SORCS1: variants seen among roughly 807,000 people sequenced by gnomAD.
The protein encoded by SORCS1 is sortilin related VPS10 domain containing receptor 1.
Under a neutral mutation model 146.1 loss-of-function variants are expected in SORCS1, and 60 were observed. The observed-to-expected ratio is 0.41, with a 90% CI of 0.33 to 0.51. The LOEUF (loss-of-function observed/expected upper bound fraction) is 0.51, where lower values mean the gene tolerates loss of function less well. Among genes scored for constraint, SORCS1 ranks in the 20% least tolerant of loss-of-function variants. SORCS1 has a pLI of 0.21. For synonymous variants in SORCS1, 637 were observed against 584.0 expected, an observed-to-expected ratio of 1.09 and a Z score of -1.31; for missense variants, 1,352 against 1,487.6, an observed-to-expected ratio of 0.91 and a Z score of 1.50.
chr10:106,611,769 C>T, intron 22 of SORCS1, 142 bp downstream of exon 22: 1 of 658,968 alleles, frequency 1.5e-6, no homozygotes, highest in Non-Finnish European at 2.7e-6. Flanking sequence ...TTGCAGACAT[C>T]AGGCCAGAAC....
At chr10:106,782,080 A>T (rs1860938678) in intron 3 of SORCS1, among the ~76,000 whole-genome samples, 1 of 152,052 alleles carries the variant, frequency 6.6e-6, no homozygotes, top group African/African-American at 2.4e-5. Flanking sequence ...AAATCGCGTC[A>T]TTCAATACTG....
intron 1 of SORCS1, among the ~76,000 whole-genome samples, chr10:106,988,037 C>T (rs1158307480): frequency 6.6e-6 from 1 of 152,176 alleles, no homozygotes; most frequent in Non-Finnish European, 1.5e-5. Context: ...CTCTCTCTCA[C>T]TATATTACAG....
At chr10:106,918,641 G>A (rs1341437240) in intron 2 of SORCS1, among the ~76,000 whole-genome samples, 6 of 151,788 alleles carry the variant, frequency 4.0e-5, no homozygotes, top group Admixed American at 3.9e-4. Flanking sequence ...AGTGGGGCAG[G>A]GAATATTCAG....
At chr10:106,935,068 T>TA (rs1305778365) in intron 2 of SORCS1, among the ~76,000 whole-genome samples, 2 of 151,964 alleles carry the variant, frequency 1.3e-5, no homozygotes, top group Non-Finnish European at 2.9e-5. Flanking sequence ...CTACTGAAAT[T>TA]AAAAAAATAC....
chr10:106,821,079 A>C (rs1159733070), intron 3 of SORCS1, among the ~76,000 whole-genome samples: 1 of 152,232 alleles, frequency 6.6e-6, no homozygotes, highest in Non-Finnish European at 1.5e-5. Context: ...CAGATAGTCT[A>C]TTATGCTTAC....
chr10:106,842,919 G>A (rs1242555084), intron 2 of SORCS1, among the ~76,000 whole-genome samples: 2 of 152,122 alleles, frequency 1.3e-5, no homozygotes, highest in South Asian at 2.1e-4. Context: ...GGCCCTTACT[G>A]TTGAGTTTTA....
chr10:106,726,585 G>A (rs547134709), intron 6 of SORCS1, among the ~76,000 whole-genome samples: 1 of 152,110 alleles, frequency 6.6e-6, no homozygotes, highest in Admixed American at 6.6e-5. Flanking sequence ...GATGCCACAA[G>A]CCAGAAAACA....
chr10:107,121,181 T>C (rs1435833911), intron 1 of SORCS1, among the ~76,000 whole-genome samples: 1 of 152,226 alleles, frequency 6.6e-6, no homozygotes, highest in East Asian at 1.9e-4. Flanking sequence ...CAGTACCACC[T>C]GTTTCTCAGG....
chr10:107,098,797 T>C (rs988885830), intron 1 of SORCS1, among the ~76,000 whole-genome samples: 1 of 152,192 alleles, frequency 6.6e-6, no homozygotes, highest in Admixed American at 6.5e-5. Flanking sequence ...GTGGCTCTCA[T>C]GTATTACTCT....
chr10:107,003,915 C>G (rs540224536), intron 1 of SORCS1, among the ~76,000 whole-genome samples: 1 of 152,228 alleles, frequency 6.6e-6, no homozygotes, highest in African/African-American at 2.4e-5. Context: ...GTGGCTCATG[C>G]CTGTAATCCC....
chr10:106,911,157 GTTAA>G (rs1347275568), intron 2 of SORCS1, among the ~76,000 whole-genome samples: 1 of 152,218 alleles, frequency 6.6e-6, no homozygotes, highest in East Asian at 1.9e-4. Context: ...AAAGCATGGT[GTTAA>G]TTTTCAGTAA....
intron 1 of SORCS1, among the ~76,000 whole-genome samples, chr10:107,122,352 A>G (rs1234386735): frequency 3.3e-5 from 5 of 152,160 alleles, no homozygotes; most frequent in Admixed American, 2.6e-4. Context: ...CCCATTCAAA[A>G]AGAGAAGTGC....
At chr10:106,967,031 T>G (rs1955526323) in intron 1 of SORCS1, among the ~76,000 whole-genome samples, 1 of 152,202 alleles carries the variant, frequency 6.6e-6, no homozygotes, top group African/African-American at 2.4e-5. Flanking sequence ...AAGTTGCTTT[T>G]TGATGCAAAT....
At chr10:106,579,182 G>T (rs960417364) in intron 25 of SORCS1, 187 bp downstream of exon 25, 2 of 1,613,986 alleles carry the variant, frequency 1.2e-6, no homozygotes, top group Non-Finnish European at 1.7e-6. Flanking sequence ...CAGAGTGACT[G>T]ACTGGACTGA....
At chr10:107,093,054 G>A (rs187823600) in intron 1 of SORCS1, among the ~76,000 whole-genome samples, 1 of 152,174 alleles carries the variant, frequency 6.6e-6, no homozygotes, top group East Asian at 1.9e-4. Flanking sequence ...CCTTACAAAA[G>A]CCTCATGCAG....
At chr10:106,836,736 T>G (rs978624747) in intron 2 of SORCS1, among the ~76,000 whole-genome samples, 1 of 130,548 alleles carries the variant, frequency 7.7e-6, no homozygotes, top group Admixed American at 7.6e-5. Context: ...ATTGATTAAA[T>G]AAAAAAAAAA....
intron 1 of SORCS1, among the ~76,000 whole-genome samples, chr10:106,986,546 G>GTGTC (rs1554905061): frequency 1.5e-5 from 2 of 132,952 alleles, no homozygotes; most frequent in African/African-American, 5.1e-5. Context: ...GTGTGTGTGT[G>GTGTC]TGTCTGTGAG....
intron 1 of SORCS1, among the ~76,000 whole-genome samples, chr10:107,055,261 T>G (rs1299130184): frequency 6.6e-6 from 1 of 152,126 alleles, no homozygotes; most frequent in Non-Finnish European, 1.5e-5. Flanking sequence ...AACATCAAAC[T>G]CAACATCAAA....
At chr10:107,022,903 T>C (rs112497099) in intron 1 of SORCS1, among the ~76,000 whole-genome samples, 5,814 of 152,266 alleles carry the variant, frequency 0.038, 164 homozygotes, top group Non-Finnish European at 0.053. Context: ...TAATCCTCCC[T>C]CTGCTACAGC....
Sources: allele counts gnomAD v4.1 joint callset (sites outside exome capture counted in the v4.1 genomes callset), GRCh38; gene constraint gnomAD v4.1.1; transcripts MANE v1.5; gene names NCBI Gene and HGNC (gene_info 2026-07-23, HGNC 2026-07-21).